The following PTPRN2 variants were observed in gnomAD, a reference collection of about 807,000 sequenced individuals.
PTPRN2 encodes receptor-type tyrosine-protein phosphatase N2.
PTPRN2 carries 74 observed loss-of-function variants against 118.8 expected under a neutral mutation model. The observed-to-expected ratio is 0.62, with a 90% CI of 0.52 to 0.76. The LOEUF (loss-of-function observed/expected upper bound fraction) is 0.76. Ranked by LOEUF, PTPRN2 falls within the 30% of genes least tolerant of loss-of-function variation. The pLI is 0.00. For synonymous variants in PTPRN2, 641 were observed against 608.0 expected, an observed-to-expected ratio of 1.05 and a Z score of -0.80; for missense variants, 1,481 against 1,394.4, an observed-to-expected ratio of 1.06 and a Z score of -0.99.
rs73730431 is a variant in PTPRN2 at position 158,555,328 on chromosome 7, C to T, written c.112+32230G>A. 0.023 allele frequency among the ~76,000 whole-genome samples: 3,565 copies of T among 152,282 alleles called. 139 individuals carry two copies. Among genetic ancestry groups the T allele is most frequent in the African/African-American group, 0.08 (3,334 of 41,562 alleles). On this transcript the variant is annotated intron_variant, in intron 1 of 22. Transcript: ENST00000389418. This position sits in a 1 kb window ranked among gnomAD's most constrained non-coding sequence, Gnocchi z 4.7. ...CCAGTCAGGTCCTTCCAGGAGAAGG[C>T]GGCACCAAGCCCAGCGTCGAACGAA... is the stretch of plus-strand genomic sequence containing the variant.
chr7:157,996,857 G>A (rs900338971), intron 11 of PTPRN2, among the ~76,000 whole-genome samples: 6 of 152,168 alleles, frequency 3.9e-5, no homozygotes, highest in African/African-American at 1.4e-4. Flanking sequence ...TATGACCTGA[G>A]CCATCTTCCC....
At chr7:158,042,761 G>A (rs1012337250) in intron 11 of PTPRN2, among the ~76,000 whole-genome samples, 3 of 152,228 alleles carry the variant, frequency 2.0e-5, no homozygotes, top group Non-Finnish European at 4.4e-5. Flanking sequence ...CAGGGCCAGG[G>A]TGACGAGCAT....
At chr7:157,708,648 C>T (rs1214438433) in intron 12 of PTPRN2, among the ~76,000 whole-genome samples, 1 of 152,170 alleles carries the variant, frequency 6.6e-6, no homozygotes, top group East Asian at 1.9e-4. Flanking sequence ...CGTAAAACCA[C>T]ACATGCATAG....
At chr7:157,600,941 A>G (rs117232296) in intron 16 of PTPRN2, among the ~76,000 whole-genome samples, 1 of 152,320 alleles carries the variant, frequency 6.6e-6, no homozygotes, top group East Asian at 1.9e-4. Flanking sequence ...CTGAATTAAA[A>G]CTTTAAATGA....
chr7:158,273,138 C>T (rs184691554), intron 3 of PTPRN2, among the ~76,000 whole-genome samples: 25 of 152,234 alleles, frequency 1.6e-4, no homozygotes, highest in African/African-American at 5.8e-4. Flanking sequence ...GCCCCAGCTG[C>T]AGGATTCGAG....
chr7:158,274,372 A>ACACGGGGAGCCGCAGG (rs1798803969), intron 3 of PTPRN2, among the ~76,000 whole-genome samples: 1 of 119,052 alleles, frequency 8.4e-6, no homozygotes. Context: ...GGAGCCGCAG[A>ACACGGGGAGCCGCAGG]CACAGGGGGA....
chr7:158,192,590 G>C (rs1825866351), intron 4 of PTPRN2, 95 bp from the exon 5 acceptor site: 1 of 1,393,520 alleles, frequency 7.2e-7, no homozygotes, highest in East Asian at 2.7e-5. Flanking sequence ...GCAAGGGGCT[G>C]GGAGCCGGGC....
Position 157,611,086 on chromosome 7 carries a change from G to A in PTPRN2, c.2345-7011C>T, listed in dbSNP as rs1426027868. Among the ~76,000 whole-genome samples, 1 of 152,208 alleles carries A rather than the reference G, an allele frequency of 6.6e-6. No individual in the cohort carries two copies. Among genetic ancestry groups the A allele is most frequent in the African/African-American group, 2.4e-5 (1 of 41,456 alleles). On this transcript the variant is annotated intron_variant, in intron 15 of 22. Transcript: ENST00000389418. This position sits in a 1 kb window ranked among gnomAD's most constrained non-coding sequence, Gnocchi z 5.9. ...CCACCGCTGAGCTGAATAACCGAGC[G>A]CGAGGCTGGTGTCCGGCTTCCACAC...
intron 2 of PTPRN2, among the ~76,000 whole-genome samples, chr7:158,376,616 G>T (rs1586509477): frequency 1.1e-5 from 1 of 92,648 alleles, no homozygotes; most frequent in South Asian, 5.0e-4. Flanking sequence ...TCCTGAGAGG[G>T]GGGTCAGGGG....
chr7:157,671,403 G>A lies in PTPRN2; in HGVS notation c.2001+11322C>T, dbSNP rs80323610. On this transcript the variant is annotated intron_variant, in intron 13 of 22. Coordinates refer to ENST00000389418, the MANE Select transcript of PTPRN2 (RefSeq NM_002847.5). The surrounding 1 kb of genome is among the most constrained non-coding windows in gnomAD (Gnocchi z 4.1). ...GCAGAAGGGATAAAGGGGAGGTAGG[G>A]ATGAATAGGGCCCTGGTGTTCGGGA... Among the ~76,000 whole-genome samples, 667 of 152,274 alleles carry A rather than the reference G, an allele frequency of 4.4e-3. 6 individuals carry two copies. Among genetic ancestry groups the A allele is most frequent in the African/African-American group, 0.015 (644 of 41,560 alleles).
In PTPRN2 at chr7:157,694,440, G is replaced by A. The variant is rs1370570455; in HGVS notation, c.1789-11503C>T. Among the ~76,000 whole-genome samples the A allele has an allele frequency of 2.0e-5, 3 of 152,138 alleles. No homozygotes were observed. In the East Asian group the frequency reaches 5.8e-4, roughly 29 times the overall value. ...TCCCACCACCCCTCCTCTAAGGTGCGGCCTGACCTCAGTGGGGCTGCAGAA... is the reference window on the plus strand; with the variant it reads ...TCCCACCACCCCTCCTCTAAGGTGCAGCCTGACCTCAGTGGGGCTGCAGAA... On this transcript the variant is annotated intron_variant, in intron 12 of 22. Transcript: ENST00000389418.
At chr7:158,480,701 T>C (rs1820587415) in intron 2 of PTPRN2, among the ~76,000 whole-genome samples, 1 of 152,240 alleles carries the variant, frequency 6.6e-6, no homozygotes, top group Non-Finnish European at 1.5e-5. Flanking sequence ...ACAGCCTTAC[T>C]GCTCATATTG....
chr7:158,074,053 G>A lies in PTPRN2; in HGVS notation c.1723+7245C>T, dbSNP rs112174748. On this transcript the variant is annotated intron_variant, in intron 11 of 22. Coordinates refer to ENST00000389418, the MANE Select transcript of PTPRN2 (RefSeq NM_002847.5). ...CCGCCAGCCATCCTGCCGTCCTCCC[G>A]TCAGTCTCTAACCCCACGGGGCCTG... Among the ~76,000 whole-genome samples the A allele has an allele frequency of 3.9e-3, 592 of 152,294 alleles. 2 individuals carry two copies. The highest frequency in any genetic ancestry group is 0.013 in the African/African-American group (540 of 41,560).
intron 5 of PTPRN2, among the ~76,000 whole-genome samples, chr7:158,171,479 G>T (rs1294188736): frequency 6.6e-6 from 1 of 151,522 alleles, no homozygotes; most frequent in Non-Finnish European, 1.5e-5. Flanking sequence ...CTCCTGAGCA[G>T]CTGGGATTAC....
At chr7:157,710,809 C>T (rs1798578287) in intron 12 of PTPRN2, among the ~76,000 whole-genome samples, 1 of 150,676 alleles carries the variant, frequency 6.6e-6, no homozygotes, top group Admixed American at 6.6e-5. Context: ...GAGAGCCCCA[C>T]GCGCCGGAGG....
chr7:158,012,995 T>C (rs1008846379), intron 11 of PTPRN2, among the ~76,000 whole-genome samples: 6 of 152,116 alleles, frequency 3.9e-5, no homozygotes, highest in Non-Finnish European at 7.4e-5. Flanking sequence ...GAAGTAGAGA[T>C]TTAGAAAAGT....
chr7:157,974,452 C>T lies in PTPRN2; in HGVS notation c.1724-75715G>A, dbSNP rs2043495. ...TACTGTGGAGTTAGTGGGTCCACTT[C>T]GAGAAGACAGAGACAGAGTGAAGCC... On this transcript the variant is annotated intron_variant, in intron 11 of 22. Coordinates refer to ENST00000389418, the MANE Select transcript of PTPRN2 (RefSeq NM_002847.5). The surrounding 1 kb of genome is among the most constrained non-coding windows in gnomAD (Gnocchi z 4.0). 1.8e-4 allele frequency among the ~76,000 whole-genome samples: 27 copies of T among 152,230 alleles called. No individual in the cohort carries two copies. Among genetic ancestry groups the T allele is most frequent in the African/African-American group, 5.3e-4 (22 of 41,520 alleles).
In PTPRN2 at chr7:158,570,988, C is replaced by A. The variant is rs1358865459; in HGVS notation, c.112+16570G>T. Among the ~76,000 whole-genome samples the A allele has an allele frequency of 6.6e-6, 1 of 152,254 alleles. No individual in the cohort carries two copies. Among genetic ancestry groups the A allele is most frequent in the Non-Finnish European group, 1.5e-5 (1 of 68,044 alleles). On this transcript the variant is annotated intron_variant, in intron 1 of 22. Coordinates refer to ENST00000389418, the MANE Select transcript of PTPRN2 (RefSeq NM_002847.5). The surrounding 1 kb of genome is among the most constrained non-coding windows in gnomAD (Gnocchi z 4.5). ...CATACGCAGGAGCCTTCCCAGCAGC[C>A]GCCGCCATGGCTGACGCACTGGCAG...
At position 158,151,141 on chromosome 7, in the gene PTPRN2, A is replaced by G. The variant is rs1051315721; in HGVS notation, c.911-12626T>C. Among the ~76,000 whole-genome samples, 51 of 76,314 alleles carry G rather than the reference A, an allele frequency of 6.7e-4. 6 individuals are homozygous for G. The highest frequency in any genetic ancestry group is 2.1e-3 in the African/African-American group (34 of 16,318). The allele number at this position is 76,314 out of a possible 152,430, so 50.1% of individuals were successfully genotyped here. ...CCCTGCCCACACCGCCCGCCTTTCT[A>G]TTCCTGCCTCTCCCTGCCCACACCG... On this transcript the variant is annotated intron_variant, in intron 6 of 22. Coordinates refer to ENST00000389418, the MANE Select transcript of PTPRN2 (RefSeq NM_002847.5).
Sources: allele counts gnomAD v4.1 joint callset (sites outside exome capture counted in the v4.1 genomes callset), GRCh38; gene constraint gnomAD v4.1.1; non-coding constraint Gnocchi (gnomAD v3.1); transcripts MANE v1.5; gene names NCBI Gene and HGNC (gene_info 2026-07-23, HGNC 2026-07-21).